Variants in FAM161B observed in about 807,000 individuals in gnomAD.
The protein encoded by FAM161B is FAM161 centrosomal protein B.
FAM161B carries 46 observed loss-of-function variants against 61.5 expected under a neutral mutation model. That is an observed-to-expected ratio of 0.75 (90% CI 0.59 to 0.96). The LOEUF (loss-of-function observed/expected upper bound fraction) is 0.96, where lower values mean the gene tolerates loss of function less well. FAM161B is among the 40% of genes least tolerant of loss of function. FAM161B has a pLI of 0.00. For missense variants in FAM161B, 774 were observed against 800.7 expected (o/e 0.97, Z 0.40); for synonymous variants, 284 against 302.7 (o/e 0.94, Z 0.64).
rs550150724 is a variant in FAM161B at position 73,934,056 on chromosome 14, A to C, written c.*200T>G. 21 of 532,826 alleles carry C rather than the reference A, an allele frequency of 3.9e-5. No individual in the cohort carries two copies. Among genetic ancestry groups the C allele is most frequent in the African/African-American group, 3.3e-4 (17 of 50,788 alleles). 33.0% of individuals were successfully genotyped at this position (532,826 alleles called of 1,614,324 possible). On this transcript the variant is annotated 3_prime_UTR_variant, in exon 9 of 9. Coordinates refer to ENST00000286544, the MANE Select transcript of FAM161B (RefSeq NM_152445.3). ...GGACTGGTCTCAAACTCCTGACCTC[A>C]GATGATCTGCCTGCCTCAGCCTCCC... is the stretch of plus-strand genomic sequence containing the variant.
Position 73,932,395 on chromosome 14 carries a change from C to A in FAM161B, c.*1861G>T. On this transcript the variant is annotated 3_prime_UTR_variant, in exon 9 of 9. Transcript: ENST00000286544. ...GGATTCCATACCAGTAAAACTGAAC[C>A]GAGGAGTCTTAGGAAACAACAAGAA... 4.5e-6 allele frequency: 2 copies of A among 440,750 alleles called. No homozygotes were observed. The highest frequency in any genetic ancestry group is 2.6e-5 in the Admixed American group (1 of 37,954). 27.3% of individuals were successfully genotyped at this position (440,750 alleles called of 1,614,324 possible).
chr14:73,935,997 C>T lies in FAM161B; in HGVS notation c.1757G>A (p.Gly586Asp), dbSNP rs185308149. 1 of 1,613,632 alleles carries T rather than the reference C, an allele frequency of 6.2e-7. No homozygotes were observed. Among genetic ancestry groups the T allele is most frequent in the Non-Finnish European group, 8.5e-7 (1 of 1,179,738 alleles). ...EEDFVRNKGQ[G>D]TRAVQEKETK... ...CTCTTTCTCTTGAACAGCCCGGGTG[C>T]CTTGACCCTTGTTTCTCACAAAGTC... The change falls in exon 8 of 9, where the codon GGC becomes GAC. Residue 586 changes from glycine to aspartate, a missense_variant. Gly to Asp is a moderately conservative substitution (Grantham distance 94). Transcript: ENST00000286544.
At chr14:73,937,226 G>GCC (rs1432388828) in intron 7 of FAM161B, among the ~76,000 whole-genome samples, 2 of 152,154 alleles carry the variant, frequency 1.3e-5, no homozygotes, top group African/African-American at 4.8e-5. Flanking sequence ...GAGGCCCAGG[G>GCC]CCAGCAGCAC....
At chr14:73,926,233 A>G in the FAM161B span, among the ~76,000 whole-genome samples, 12 of 152,290 alleles carry the variant, frequency 7.9e-5, no homozygotes, top group African/African-American at 2.2e-4. Context: ...AAAGATAACA[A>G]TAATTTATTG....
chr14:73,938,818 C>A (rs1335568640), intron 5 of FAM161B, among the ~76,000 whole-genome samples: 4 of 152,042 alleles, frequency 2.6e-5, no homozygotes, highest in Non-Finnish European at 5.9e-5. Context: ...ATCTTAGTAA[C>A]CTTTTCTGGA....
chr14:73,928,673 G>A (rs139344164), downstream of FAM161B, among the ~76,000 whole-genome samples: 38 of 152,290 alleles, frequency 2.5e-4, no homozygotes, highest in East Asian at 7.1e-3. Context: ...CCTGGGTGTG[G>A]TGGATCATGT....
Position 73,935,993 on chromosome 14 carries a change from G to A in FAM161B, c.1761C>T (p.Thr587=), listed in dbSNP as rs1332414908. The A allele has an allele frequency of 4.3e-6, 7 of 1,613,330 alleles. No individual in the cohort carries two copies. The highest frequency in any genetic ancestry group is 1.3e-5 in the African/African-American group (1 of 75,010). The change falls in exon 8 of 9, where the codon ACC becomes ACT. Residue 587 remains threonine, a synonymous_variant. Coordinates refer to ENST00000286544, the MANE Select transcript of FAM161B (RefSeq NM_152445.3). ...TGGTCTCTTTCTCTTGAACAGCCCGGGTGCCTTGACCCTTGTTTCTCACAA... is the reference window on the plus strand; with the variant it reads ...TGGTCTCTTTCTCTTGAACAGCCCGAGTGCCTTGACCCTTGTTTCTCACAA... The part of the protein sequence containing the change: ...EDFVRNKGQG[T]RAVQEKETKI...
Position 73,944,370 on chromosome 14 carries a change from GACTT to G in FAM161B, c.886_889del (p.Lys296ProfsTer24), listed in dbSNP as rs2056044976. ...ATCCCCAAGGGCTGGCTCCAGAATG[GACTT>G]GGGAATCCTTCTGGTGGCCTTCTGC... is the stretch of plus-strand genomic sequence containing the variant. On this transcript the variant is annotated frameshift_variant, in exon 3 of 9. Transcript: ENST00000286544. LOFTEE classifies it high-confidence loss of function. 2 of 1,601,740 alleles carry G rather than the reference GACTT, an allele frequency of 1.2e-6. No individual in the cohort carries two copies. The highest frequency in any genetic ancestry group is 4.5e-5 in the East Asian group (2 of 44,498).
chr14:73,935,147 G>A (rs2055960680), intron 8 of FAM161B, among the ~76,000 whole-genome samples: 2 of 152,062 alleles, frequency 1.3e-5, no homozygotes, highest in Admixed American at 1.3e-4. Context: ...TAGGAATTAG[G>A]GTAGGGGCTG....
At position 73,933,936 on chromosome 14, in the gene FAM161B, C is replaced by T. The variant is rs1353682343; in HGVS notation, c.*320G>A. 4.7e-6 allele frequency: 1 copy of T among 211,258 alleles called. No homozygotes were observed. Among genetic ancestry groups the T allele is most frequent in the Non-Finnish European group, 9.5e-6 (1 of 105,672 alleles). The allele number at this position is 211,258 out of a possible 1,614,324, so 13.1% of individuals were successfully genotyped here. Reference sequence around the variant, plus strand: ...TCTTGGGTTCAAGTGATTCTCCTGCCTCAGCTTCCCAAGTAGCTAGGATTA... The same window carrying T: ...TCTTGGGTTCAAGTGATTCTCCTGCTTCAGCTTCCCAAGTAGCTAGGATTA... On this transcript the variant is annotated 3_prime_UTR_variant, in exon 9 of 9. Coordinates refer to ENST00000286544, the MANE Select transcript of FAM161B (RefSeq NM_152445.3).
chr14:73,942,641 C>T lies in FAM161B; in HGVS notation c.1000G>A (p.Ala334Thr), dbSNP rs777585983. The change falls in exon 4 of 9, where the codon GCC (alanine) becomes ACC (threonine). Residue 334 changes from alanine (A) to threonine (T), a missense_variant. By Grantham distance (58) the Ala-to-Thr change is moderately conservative. Transcript: ENST00000286544. ...GGGTTAGCCCGGTTACTAGAGGAGGCGATAGGGGAAGAGGCCATCTGGAGC... is the reference window on the plus strand; with the variant it reads ...GGGTTAGCCCGGTTACTAGAGGAGGTGATAGGGGAAGAGGCCATCTGGAGC... Reference protein sequence around the residue: ...DMLQMASSPIASSSNRANPQP... With the variant: ...DMLQMASSPITSSSNRANPQP... 9 of 1,613,886 alleles carry T rather than the reference C, an allele frequency of 5.6e-6. No homozygotes were observed. Among genetic ancestry groups the T allele is most frequent in the Middle Eastern group, 1.6e-4 (1 of 6,082 alleles).
chr14:73,925,348 TGA>T, the FAM161B span, among the ~76,000 whole-genome samples: 1 of 152,078 alleles, frequency 6.6e-6, no homozygotes, highest in African/African-American at 2.4e-5. Context: ...CAGAGTACAG[TGA>T]GAGAGAGACT....
chr14:73,940,721 C>T (rs1160137524), intron 5 of FAM161B, among the ~76,000 whole-genome samples: 1 of 152,160 alleles, frequency 6.6e-6, no homozygotes, highest in East Asian at 1.9e-4. Flanking sequence ...CAGAATAAGC[C>T]CACTATGAAT....
At position 73,934,138 on chromosome 14, in the gene FAM161B, T is replaced by C. The variant is rs766754719; in HGVS notation, c.*118A>G. The C allele has an allele frequency of 1.0e-5, 13 of 1,275,546 alleles. No homozygotes were observed. The highest frequency in any genetic ancestry group is 1.5e-5 in the African/African-American group (1 of 66,412). 79.0% of individuals were successfully genotyped at this position (1,275,546 alleles called of 1,614,324 possible). On this transcript the variant is annotated 3_prime_UTR_variant, in exon 9 of 9. Coordinates refer to ENST00000286544, the MANE Select transcript of FAM161B (RefSeq NM_152445.3). The stretch of plus-strand genomic sequence containing the variant: ...CGCCTGGCCTGTTAATCTGCTACTC[T>C]TCATTTGTCCATCCTCTAACAGTAG...
In FAM161B at chr14:73,936,048, G is replaced by T. The variant is rs1455870692; in HGVS notation, c.1706C>A (p.Thr569Asn). 20 of 1,613,694 alleles carry T rather than the reference G, an allele frequency of 1.2e-5. No homozygotes were observed. The highest frequency in any genetic ancestry group is 1.5e-5 in the Non-Finnish European group (18 of 1,179,756). Residue 569 changes from threonine (T) to asparagine (N), a missense_variant, in exon 8 of 9, where the codon ACC becomes AAC. Transcript: ENST00000286544. The stretch of plus-strand genomic sequence containing the variant: ...TTCCTCCAGCCCAGCCTGCTTCAGG[G>T]TGTCTAGATACCACTGTTCTGCTTC... ...KKEAEQWYLDTLKQAGLEEDF... is the reference protein window; with the variant it reads ...KKEAEQWYLDNLKQAGLEEDF...
intron 6 of FAM161B, 56 bp downstream of exon 6, chr14:73,937,892 A>AGT: frequency 6.2e-7 from 1 of 1,605,658 alleles, no homozygotes; most frequent in Admixed American, 1.7e-5. Context: ...GCAATAGGCC[A>AGT]GTGGTCTGTT....
At position 73,940,931 on chromosome 14, in the gene FAM161B, T is replaced by C. The variant is rs759230992; in HGVS notation, c.1395A>G (p.Ala465=). The change falls in exon 5 of 9, where the codon GCA becomes GCG. Residue 465 remains alanine, a synonymous_variant. Transcript: ENST00000286544. Reference sequence around the variant, plus strand: ...CGTGCAGCCTGACCACTCACCTGACTGCAGATTCCCTCTTCCTGGTGGCAT... The same window carrying C: ...CGTGCAGCCTGACCACTCACCTGACCGCAGATTCCCTCTTCCTGGTGGCAT... ...ITDATRKRES[A]VRSALEKKNK... 2 of 1,610,358 alleles carry C rather than the reference T, an allele frequency of 1.2e-6. No individual in the cohort carries two copies. Among genetic ancestry groups the C allele is most frequent in the South Asian group, 1.1e-5 (1 of 90,544 alleles).
At chr14:73,945,258 CT>C (rs1315291933) in intron 2 of FAM161B, among the ~76,000 whole-genome samples, 2 of 152,114 alleles carry the variant, frequency 1.3e-5, no homozygotes, top group Admixed American at 6.5e-5. Context: ...TTAATGTCTA[CT>C]TACCAGGTTA....
In FAM161B at chr14:73,933,653, C is replaced by T. The variant is rs990800701; in HGVS notation, c.*603G>A. On this transcript the variant is annotated 3_prime_UTR_variant, in exon 9 of 9. Coordinates refer to ENST00000286544, the MANE Select transcript of FAM161B (RefSeq NM_152445.3). ...CTACTGTCTACACCCACTCCATGGA[C>T]GCATTTATGTTTCTGCACTAGCCCC... 4 of 152,258 alleles carry T rather than the reference C, an allele frequency of 2.6e-5. No individual in the cohort carries two copies. Among genetic ancestry groups the T allele is most frequent in the Admixed American group, 6.5e-5 (1 of 15,270 alleles). 9.4% of individuals were successfully genotyped at this position (152,258 alleles called of 1,614,324 possible).
Sources: gnomAD v4.1 joint callset for allele counts (sites outside exome capture counted in the v4.1 genomes callset) on GRCh38, gnomAD v4.1.1 for gene constraint, MANE v1.5 for transcripts, NCBI Gene and HGNC (gene_info 2026-07-23, HGNC 2026-07-21) for gene names.